Variants in PDE4D observed in about 807,000 individuals in gnomAD.
The protein encoded by PDE4D is 3',5'-cyclic-AMP phosphodiesterase 4D.
In PDE4D, 24 loss-of-function variants were observed where a neutral mutation model predicts 87.4. The observed-to-expected ratio is 0.27, with a 90% CI of 0.20 to 0.39. The LOEUF is 0.39. Among genes scored for constraint, PDE4D ranks in the 10% least tolerant of loss-of-function variants. PDE4D has a pLI of 1.00. For missense variants in PDE4D, 714 were observed against 1,041.0 expected (o/e 0.69, Z 4.32); for synonymous variants, 384 against 383.2 (o/e 1.00, Z -0.02).
intron 5 of PDE4D, among the ~76,000 whole-genome samples, chr5:59,073,273 C>A (rs899689913): frequency 1.2e-4 from 19 of 152,042 alleles, no homozygotes; most frequent in African/African-American, 3.6e-4. Context: ...GAACAACTCA[C>A]TTGACCTGCT....
At chr5:59,173,818 A>G (rs912927306) in intron 5 of PDE4D, among the ~76,000 whole-genome samples, 21 of 152,100 alleles carry the variant, frequency 1.4e-4, no homozygotes, top group African/African-American at 5.1e-4. Flanking sequence ...CTGACACAAC[A>G]CATGTTTTAC....
intron 1 of PDE4D, among the ~76,000 whole-genome samples, chr5:59,270,954 T>G (rs531919035): frequency 1.1e-4 from 17 of 152,254 alleles, no homozygotes; most frequent in African/African-American, 4.1e-4. Flanking sequence ...TAATAAGAAC[T>G]AAATAATATA....
chr5:59,574,029 A>AT (rs1561239428), intron 1 of PDE4D, among the ~76,000 whole-genome samples: 5 of 102,162 alleles, frequency 4.9e-5, no homozygotes, highest in South Asian at 2.8e-4. Flanking sequence ...TATATATATA[A>AT]AAATATATAT....
At chr5:60,109,875 G>A (rs1489154657) in intron 2 of PDE4D, among the ~76,000 whole-genome samples, 2 of 151,468 alleles carry the variant, frequency 1.3e-5, no homozygotes, top group African/African-American at 4.9e-5. Context: ...GTGAGGGGAC[G>A]GGGGAGGGAT....
chr5:59,106,108 G>A (rs147058044), intron 5 of PDE4D, among the ~76,000 whole-genome samples: 23 of 152,240 alleles, frequency 1.5e-4, no homozygotes, highest in African/African-American at 5.3e-4. Flanking sequence ...CTCTGATGAG[G>A]ATACTGGATC....
intron 1 of PDE4D, among the ~76,000 whole-genome samples, chr5:59,883,447 T>C (rs967710008): frequency 6.6e-6 from 1 of 152,216 alleles, no homozygotes; most frequent in African/African-American, 2.4e-5. Flanking sequence ...TTAAGAATGC[T>C]AACTGGGGCT....
chr5:59,257,720 C>A (rs1391801318), intron 1 of PDE4D, among the ~76,000 whole-genome samples: 1 of 151,930 alleles, frequency 6.6e-6, no homozygotes, highest in Non-Finnish European at 1.5e-5. Flanking sequence ...GATCTTACAC[C>A]TAATAAAAAT....
At chr5:60,125,244 A>G (rs1779030546) in intron 2 of PDE4D, among the ~76,000 whole-genome samples, 1 of 152,188 alleles carries the variant, frequency 6.6e-6, no homozygotes, top group African/African-American at 2.4e-5. Flanking sequence ...TTCAGTAAAC[A>G]GTATCTCTAT....
chr5:59,193,750 G>A, intron 2 of PDE4D: 6 of 985,316 alleles, frequency 6.1e-6, no homozygotes, highest in Non-Finnish European at 6.0e-6. Flanking sequence ...GTAAAAAGAG[G>A]GGCTTCTTGA....
chr5:59,266,571 T>C (rs778401464), intron 1 of PDE4D, among the ~76,000 whole-genome samples: 2 of 151,894 alleles, frequency 1.3e-5, no homozygotes, highest in Non-Finnish European at 2.9e-5. Context: ...AGGAACTAGC[T>C]AGATCTCCAA....
intron 1 of PDE4D, among the ~76,000 whole-genome samples, chr5:60,473,220 G>A (rs1369520127): frequency 6.7e-6 from 1 of 150,088 alleles, no homozygotes; most frequent in Non-Finnish European, 1.5e-5. Flanking sequence ...GAAAGAGAAA[G>A]AAAGAAGGAA....
At chr5:60,224,429 G>T (rs538804778) in intron 1 of PDE4D, among the ~76,000 whole-genome samples, 143 of 152,198 alleles carry the variant, frequency 9.4e-4, no homozygotes, top group Middle Eastern at 3.4e-3. Flanking sequence ...TTAAGAACTG[G>T]GTTGTGTGAT....
At chr5:59,737,734 T>C (rs912925392) in intron 1 of PDE4D, among the ~76,000 whole-genome samples, 1 of 152,114 alleles carries the variant, frequency 6.6e-6, no homozygotes, top group Non-Finnish European at 1.5e-5. Context: ...ATATTGCTAT[T>C]GACCCAATGT....
chr5:59,178,763 G>A (rs1032352883), intron 5 of PDE4D, among the ~76,000 whole-genome samples: 13 of 152,200 alleles, frequency 8.5e-5, no homozygotes, highest in African/African-American at 2.9e-4. Context: ...AAAGCTTCCA[G>A]GGACCAAAAT....
chr5:59,200,679 G>A (rs1450457334), intron 2 of PDE4D, among the ~76,000 whole-genome samples: 1 of 86,502 alleles, frequency 1.2e-5, no homozygotes, highest in Non-Finnish European at 2.4e-5. Context: ...ATAGATACAC[G>A]TATACATACA....
chr5:59,836,909 T>C (rs1161172430), intron 1 of PDE4D, among the ~76,000 whole-genome samples: 1 of 151,980 alleles, frequency 6.6e-6, no homozygotes, highest in East Asian at 1.9e-4. Context: ...CTTTACTTCT[T>C]TGCACCCTCA....
At chr5:60,492,038 G>A (rs892204380), upstream of PDE4D, among the ~76,000 whole-genome samples, 1 of 152,026 alleles carries the variant, frequency 6.6e-6, no homozygotes, top group African/African-American at 2.4e-5. Flanking sequence ...ACGCGTTAGT[G>A]GGTGCAGCGC....
At chr5:59,893,946 T>G, upstream of PDE4D, 33 of 421,868 alleles carry the variant, frequency 7.8e-5, no homozygotes, top group Admixed American at 1.7e-4. Context: ...CCCTTTCTTC[T>G]TCCCTTCCTT....
intron 1 of PDE4D, among the ~76,000 whole-genome samples, chr5:60,231,844 G>A (rs1220552808): frequency 6.6e-6 from 1 of 151,928 alleles, no homozygotes; most frequent in African/African-American, 2.4e-5. Flanking sequence ...CAAGATCACA[G>A]TTTAGCTGTG....
Sources: gnomAD v4.1 joint callset for allele counts (sites outside exome capture counted in the v4.1 genomes callset) on GRCh38, gnomAD v4.1.1 for gene constraint, MANE v1.5 for transcripts, NCBI Gene and HGNC (gene_info 2026-07-23, HGNC 2026-07-21) for gene names.